The following SRSF11 variants were observed in gnomAD, a reference collection of about 807,000 sequenced individuals.
The protein encoded by SRSF11 is serine and arginine rich splicing factor 11.
A neutral mutation model predicts 56.0 loss-of-function variants in SRSF11; 9 were observed. The observed-to-expected ratio is 0.16, with a 90% CI of 0.10 to 0.28. The LOEUF is 0.28. Among genes scored for constraint, SRSF11 ranks in the 10% least tolerant of loss-of-function variants. The pLI, the probability that SRSF11 is intolerant of heterozygous loss-of-function variation, is 1.00. For missense variants in SRSF11, 421 were observed against 600.7 expected (o/e 0.70, Z 3.13); for synonymous variants, 222 against 215.3 (o/e 1.03, Z -0.27).
intron 1 of SRSF11, 112 bp from the exon 2 acceptor site, chr1:70,228,310 T>A (rs1169434891): frequency 1.4e-6 from 1 of 710,800 alleles, no homozygotes; most frequent in Non-Finnish European, 2.3e-6. Context: ...TACATTAGTA[T>A]ACAGTTAGGT....
At chr1:70,234,877 A>C in intron 4 of SRSF11, 89 bp downstream of exon 4, 2 of 1,061,740 alleles carry the variant, frequency 1.9e-6, no homozygotes, top group Non-Finnish European at 2.7e-6. Flanking sequence ...AGCAGAAGCT[A>C]ATGGCTATGT....
chr1:70,225,788 C>T (rs181758108), intron 1 of SRSF11, among the ~76,000 whole-genome samples: 56 of 152,260 alleles, frequency 3.7e-4, no homozygotes, highest in African/African-American at 1.3e-3. Context: ...TCTTGTTCCT[C>T]ATTTCTCCCT....
intron 1 of SRSF11, among the ~76,000 whole-genome samples, chr1:70,227,046 A>G (rs1044208126): frequency 6.6e-6 from 1 of 152,170 alleles, no homozygotes. Context: ...TTAGCCTGAG[A>G]GGTCCTTGTA....
intron 3 of SRSF11, among the ~76,000 whole-genome samples, chr1:70,234,112 A>C (rs992191416): frequency 2.0e-5 from 3 of 152,160 alleles, no homozygotes; most frequent in African/African-American, 7.2e-5. Context: ...ACTTACTGAG[A>C]GGCGAGGGCT....
At chr1:70,245,828 G>C (rs1676620298) in intron 8 of SRSF11, among the ~76,000 whole-genome samples, 1 of 152,206 alleles carries the variant, frequency 6.6e-6, no homozygotes, top group African/African-American at 2.4e-5. Flanking sequence ...CAACTGGAAT[G>C]AGTTGAAAAT....
At position 70,211,145 on chromosome 1, in the gene SRSF11, T is replaced by G. The variant is rs1424067421; in HGVS notation, c.-26+5365T>G. Among the ~76,000 whole-genome samples the G allele has an allele frequency of 2.0e-5, 3 of 152,006 alleles. No individual in the cohort carries two copies. In the East Asian group the frequency reaches 5.8e-4, roughly 29 times the overall value. On this transcript the variant is annotated intron_variant, in intron 1 of 12. Transcript: ENST00000370950. ...TGTTCTCTGACTTAAAGTCTCAGAT[T>G]TTGTATTAATTGTATGGATTTTATG...
At chr1:70,243,840 G>A (rs1273505157) in intron 7 of SRSF11, among the ~76,000 whole-genome samples, 1 of 152,150 alleles carries the variant, frequency 6.6e-6, no homozygotes, top group Non-Finnish European at 1.5e-5. Flanking sequence ...CTTGAGCCCA[G>A]GAGTTCAAGA....
chr1:70,216,228 C>G (rs1323835183), intron 1 of SRSF11, among the ~76,000 whole-genome samples: 1 of 151,816 alleles, frequency 6.6e-6, no homozygotes, highest in Admixed American at 6.6e-5. Flanking sequence ...GCCTCATTGT[C>G]TAATATTATT....
chr1:70,233,117 T>C (rs1049740942), intron 3 of SRSF11, among the ~76,000 whole-genome samples: 1 of 152,214 alleles, frequency 6.6e-6, no homozygotes, highest in Non-Finnish European at 1.5e-5. Context: ...CTAAGCTTTT[T>C]AGGTGTGACT....
In SRSF11 at chr1:70,221,468, C is replaced by A; in HGVS notation, c.-169C>A. On this transcript the variant is annotated 5_prime_UTR_variant, in exon 1 of 12. Coordinates refer to ENST00000370949, the MANE Select transcript of SRSF11 (RefSeq NM_001350605.2). ...CTCTCATCCCCTCCCCCGCGGCGTG[C>A]GGCGGGGCGGAGAAACGGCGGCGGC... The A allele has an allele frequency of 1.0e-6, 1 of 991,236 alleles. No homozygotes were observed. Among genetic ancestry groups the A allele is most frequent in the Non-Finnish European group, 1.5e-6 (1 of 677,066 alleles). The allele number at this position is 991,236 out of a possible 1,614,324, so 61.4% of individuals were successfully genotyped here.
At chr1:70,242,337 T>C (rs1211174393) in intron 7 of SRSF11, among the ~76,000 whole-genome samples, 1 of 151,728 alleles carries the variant, frequency 6.6e-6, no homozygotes, top group African/African-American at 2.4e-5. Context: ...TTGTTGTGGG[T>C]TGTGGTAACC....
chr1:70,207,760 C>G (rs1450777845), intron 1 of SRSF11, among the ~76,000 whole-genome samples: 6 of 149,186 alleles, frequency 4.0e-5, no homozygotes, highest in Non-Finnish European at 8.9e-5. Context: ...AGGTCTCACT[C>G]TGTCACCCAT....
intron 1 of SRSF11, among the ~76,000 whole-genome samples, chr1:70,211,823 T>G (rs1183638527): frequency 6.6e-6 from 1 of 152,160 alleles, no homozygotes; most frequent in African/African-American, 2.4e-5. Context: ...CCATCATCAT[T>G]CTAGAGGTAC....
intron 1 of SRSF11, among the ~76,000 whole-genome samples, chr1:70,222,443 T>C (rs1311285216): frequency 6.6e-6 from 1 of 152,272 alleles, no homozygotes; most frequent in Non-Finnish European, 1.5e-5. Flanking sequence ...AGATTTGTGA[T>C]ATTTCACAGT....
intron 1 of SRSF11, among the ~76,000 whole-genome samples, chr1:70,222,961 T>C (rs1293391145): frequency 2.6e-5 from 4 of 152,176 alleles, no homozygotes; most frequent in Non-Finnish European, 4.4e-5. Context: ...TTTAGGGAAA[T>C]GTACATGTGG....
At chr1:70,236,050 A>G (rs893693921) in intron 5 of SRSF11, among the ~76,000 whole-genome samples, 3 of 152,164 alleles carry the variant, frequency 2.0e-5, no homozygotes, top group African/African-American at 7.2e-5. Flanking sequence ...ATAAATTTGA[A>G]CTTTATACCT....
intron 1 of SRSF11, among the ~76,000 whole-genome samples, chr1:70,227,355 T>C (rs1558169423): frequency 6.6e-6 from 1 of 152,170 alleles, no homozygotes; most frequent in Admixed American, 6.5e-5. Context: ...AAGTGTTATA[T>C]TGATGTTAAA....
chr1:70,224,855 T>C (rs1345668478), intron 1 of SRSF11, among the ~76,000 whole-genome samples: 2 of 152,258 alleles, frequency 1.3e-5, no homozygotes, highest in Non-Finnish European at 2.9e-5. Context: ...CTGAAATGCG[T>C]ACTGGAAATG....
At chr1:70,210,028 A>G (rs190249583) in intron 1 of SRSF11, among the ~76,000 whole-genome samples, 2 of 151,876 alleles carry the variant, frequency 1.3e-5, no homozygotes, top group East Asian at 3.9e-4. Flanking sequence ...TCTAATGGAG[A>G]GAGTGCATTG....
Sources: allele counts gnomAD v4.1 joint callset (sites outside exome capture counted in the v4.1 genomes callset), GRCh38; gene constraint gnomAD v4.1.1; transcripts MANE v1.5; gene names NCBI Gene and HGNC (gene_info 2026-07-23, HGNC 2026-07-21).